The following JAK1 variants were observed in gnomAD, a reference collection of about 807,000 sequenced individuals.
The protein encoded by JAK1 is Janus kinase 1, also known as tyrosine-protein kinase JAK1.
JAK1 carries 16 observed loss-of-function variants against 136.6 expected under a neutral mutation model. That is an observed-to-expected ratio of 0.12 (90% CI 0.08 to 0.18). JAK1 has a LOEUF of 0.18. Among genes scored for constraint, JAK1 ranks in the 10% least tolerant of loss-of-function variants. The probability of loss-of-function intolerance (pLI) is 1.00; values close to 1 mark genes in which losing one functional copy is unlikely to be tolerated. For synonymous variants in JAK1, 492 were observed against 519.5 expected (o/e 0.95, Z 0.72); for missense variants, 859 against 1,450.1 (o/e 0.59, Z 6.62).
At chr1:64,872,936 C>T (rs1657162047) in intron 5 of JAK1, among the ~76,000 whole-genome samples, 1 of 151,960 alleles carries the variant, frequency 6.6e-6, no homozygotes, top group Admixed American at 6.6e-5. Context: ...TTTCTAGCGT[C>T]TAATCTTTCT....
chr1:65,031,309 A>G (rs1647022131), intron 2 of JAK1, among the ~76,000 whole-genome samples: 1 of 152,194 alleles, frequency 6.6e-6, no homozygotes, highest in Non-Finnish European at 1.5e-5. Flanking sequence ...ACAAAACACT[A>G]CTTCTGTGGT....
chr1:64,838,206 A>G, intron 21 of JAK1, 102 bp from the exon 22 acceptor site: 1 of 1,217,752 alleles, frequency 8.2e-7, no homozygotes, highest in Non-Finnish European at 1.1e-6. Flanking sequence ...TCATTCACAT[A>G]TCACTGACAA....
chr1:65,048,348 A>ATAT (rs1236881102), intron 1 of JAK1, among the ~76,000 whole-genome samples: 1 of 152,208 alleles, frequency 6.6e-6, no homozygotes, highest in Non-Finnish European at 1.5e-5. Context: ...TCGCTAGCAT[A>ATAT]TATTATTATT....
intron 1 of JAK1, among the ~76,000 whole-genome samples, chr1:64,929,486 G>A (rs1294522531): frequency 1.3e-5 from 2 of 152,062 alleles, no homozygotes; most frequent in Non-Finnish European, 2.9e-5. Flanking sequence ...ATGGAACCTG[G>A]GTAATGAAAC....
At chr1:65,031,342 C>A (rs186971322) in intron 2 of JAK1, among the ~76,000 whole-genome samples, 1 of 152,142 alleles carries the variant, frequency 6.6e-6, no homozygotes, top group African/African-American at 2.4e-5. Context: ...AATATACAAC[C>A]TGAATGTGAT....
chr1:64,860,531 G>A (rs1656233697), intron 8 of JAK1, among the ~76,000 whole-genome samples: 1 of 151,184 alleles, frequency 6.6e-6, no homozygotes, highest in Non-Finnish European at 1.5e-5. Context: ...TCGGCTCACT[G>A]CAACCTCCGC....
chr1:64,930,723 C>G (rs1645675560), intron 1 of JAK1, among the ~76,000 whole-genome samples: 3 of 152,140 alleles, frequency 2.0e-5, no homozygotes, highest in African/African-American at 7.2e-5. Context: ...GCACTGTTCA[C>G]CATAGCAAAT....
chr1:64,876,939 T>C (rs529474603), intron 4 of JAK1, among the ~76,000 whole-genome samples: 1 of 152,346 alleles, frequency 6.6e-6, no homozygotes, highest in East Asian at 1.9e-4. Flanking sequence ...AAACTCTCTT[T>C]AGGCTTCTAT....
chr1:64,956,109 T>A lies in JAK1; in HGVS notation c.-78+10224A>T, dbSNP rs376668713. ...GGTTTACATACTGTCTATATCTACA[T>A]TGGTGCTACAATAGCAGATTCAGTA... On this transcript the variant is annotated intron_variant, in intron 1 of 24. Coordinates refer to ENST00000342505, the MANE Select transcript of JAK1 (RefSeq NM_002227.4). Among the ~76,000 whole-genome samples the A allele has an allele frequency of 2.0e-4, 31 of 152,376 alleles. 5 individuals carry two copies. The highest frequency in any genetic ancestry group is 3.3e-4 in the Admixed American group (5 of 15,312).
chr1:64,955,907 G>T (rs1051338024), intron 1 of JAK1, among the ~76,000 whole-genome samples: 1 of 152,244 alleles, frequency 6.6e-6, no homozygotes, highest in Non-Finnish European at 1.5e-5. Flanking sequence ...TCTAAGGCAG[G>T]GGGCAGCAGA....
At chr1:65,058,493 T>A (rs1235943983) in intron 1 of JAK1, 1 of 532,990 alleles carries the variant, frequency 1.9e-6, no homozygotes, top group Admixed American at 1.9e-5. Flanking sequence ...AGCACTGTGA[T>A]AACTGAGCCA....
chr1:65,040,525 A>G (rs1466051696), intron 2 of JAK1, among the ~76,000 whole-genome samples: 1 of 152,114 alleles, frequency 6.6e-6, no homozygotes, highest in African/African-American at 2.4e-5. Context: ...CTGCAACCAG[A>G]ATTCCCTCTG....
intron 1 of JAK1, among the ~76,000 whole-genome samples, chr1:64,895,161 G>A (rs1263342625): frequency 6.6e-6 from 1 of 152,156 alleles, no homozygotes; most frequent in Non-Finnish European, 1.5e-5. Flanking sequence ...TATGCTGACA[G>A]CCATGCTTAA....
At chr1:65,056,433 G>A in intron 1 of JAK1, among the ~76,000 whole-genome samples, 1 of 152,168 alleles carries the variant, frequency 6.6e-6, no homozygotes, top group Non-Finnish European at 1.5e-5. Context: ...CACCAGCAAA[G>A]GAACACAGTG....
intron 1 of JAK1, among the ~76,000 whole-genome samples, chr1:65,065,495 C>G (rs1348107480): frequency 6.6e-6 from 1 of 151,708 alleles, no homozygotes; most frequent in Non-Finnish European, 1.5e-5. Flanking sequence ...TATCACAGAA[C>G]AAGGGGCAAA....
At chr1:65,052,553 C>T (rs1469669088) in intron 1 of JAK1, among the ~76,000 whole-genome samples, 2 of 152,128 alleles carry the variant, frequency 1.3e-5, no homozygotes, top group Admixed American at 1.3e-4. Flanking sequence ...TGGCTCATGC[C>T]TGTAATCCCA....
rs1454312176 is a variant in JAK1, at chr1:64,853,100, T to TATCAA, written c.1649-2195_1649-2191dup. On this transcript the variant is annotated intron_variant, in intron 11 of 24. Transcript: ENST00000342505. ...TGAGAAACCCAGATCAGGGTCTGGC[T>TATCAA]ATCAAAACCCCGTGGTTAGGAGAGC... Among the ~76,000 whole-genome samples the TATCAA allele has an allele frequency of 9.2e-5, 14 of 152,346 alleles. No homozygotes were observed. The Middle Eastern group carries it at 0.01, about 111-fold the overall frequency.
At chr1:65,007,949 T>G (rs535096537) in intron 2 of JAK1, among the ~76,000 whole-genome samples, 1 of 152,126 alleles carries the variant, frequency 6.6e-6, no homozygotes, top group Non-Finnish European at 1.5e-5. Context: ...TTTACCATGT[T>G]GTACAGGCTG....
intron 19 of JAK1, among the ~76,000 whole-genome samples, chr1:64,840,027 C>T (rs957062288): frequency 1.3e-5 from 2 of 152,176 alleles, no homozygotes; most frequent in African/African-American, 2.4e-5. Context: ...TAGCAGGTGA[C>T]GATGAACCAA....
Sources: gnomAD v4.1 joint callset for allele counts (sites outside exome capture counted in the v4.1 genomes callset) on GRCh38, gnomAD v4.1.1 for gene constraint, MANE v1.5 for transcripts, NCBI Gene and HGNC (gene_info 2026-07-23, HGNC 2026-07-21) for gene names.